The following SCAI variants were observed in gnomAD, a reference collection of about 807,000 sequenced individuals.
The protein encoded by SCAI is protein SCAI.
SCAI carries 24 observed loss-of-function variants against 92.2 expected under a neutral mutation model. That is an observed-to-expected ratio of 0.26 (90% confidence interval 0.19 to 0.37). The LOEUF is 0.37. Among genes scored for constraint, SCAI ranks in the 10% least tolerant of loss-of-function variants. SCAI has a pLI of 1.00. For missense variants in SCAI, 450 were observed against 736.2 expected (o/e 0.61, Z 4.50); for synonymous variants, 261 against 258.6 (o/e 1.01, Z -0.09).
At chr9:125,011,182 A>G (rs1832631178) in intron 9 of SCAI, among the ~76,000 whole-genome samples, 1 of 152,274 alleles carries the variant, frequency 6.6e-6, no homozygotes, top group Non-Finnish European at 1.5e-5. Context: ...AGCTGGACGG[A>G]GAATGACTTT....
intron 2 of SCAI, among the ~76,000 whole-genome samples, chr9:125,099,506 T>A (rs903590119): frequency 4.6e-5 from 7 of 152,176 alleles, no homozygotes; most frequent in African/African-American, 1.7e-4. Context: ...AGTCTCGACC[T>A]CCTGGCCTCA....
chr9:125,110,706 C>T (rs1238889686), intron 2 of SCAI, among the ~76,000 whole-genome samples: 3 of 152,204 alleles, frequency 2.0e-5, no homozygotes, highest in African/African-American at 7.2e-5. Flanking sequence ...GCAGAAGCTG[C>T]TGTGCTTCCT....
chr9:124,945,788 T>C lies in SCAI; in HGVS notation c.*7019A>G, dbSNP rs142770147. 54 of 152,304 alleles carry C rather than the reference T, an allele frequency of 3.5e-4. No homozygotes were observed. Among genetic ancestry groups the C allele is most frequent in the African/African-American group, 1.3e-3 (53 of 41,562 alleles). 9.4% of individuals were successfully genotyped at this position (152,304 alleles called of 1,614,324 possible). ...AAACACAAGGCATGCTTAAGTCTTT[T>C]TGTTCAAAACTCAGTGAAGCTGGAA... On this transcript the variant is annotated 3_prime_UTR_variant, in exon 18 of 18. Transcript: ENST00000336505.
At chr9:125,012,181 A>C (rs1017365410) in intron 9 of SCAI, among the ~76,000 whole-genome samples, 3 of 152,144 alleles carry the variant, frequency 2.0e-5, no homozygotes, top group Admixed American at 2.0e-4. Context: ...ACACATAACA[A>C]TATTAACTTT....
chr9:125,005,202 GA>G (rs1312336052), intron 9 of SCAI, among the ~76,000 whole-genome samples: 6 of 152,024 alleles, frequency 3.9e-5, no homozygotes, highest in Admixed American at 3.3e-4. Flanking sequence ...GAACACACAT[GA>G]TAATAAAACA....
chr9:125,111,624 C>T (rs1834930835), intron 2 of SCAI, among the ~76,000 whole-genome samples: 1 of 151,712 alleles, frequency 6.6e-6, no homozygotes, highest in South Asian at 2.1e-4. Context: ...TGGCCCAAGA[C>T]AACTGTTCTT....
chr9:124,982,871 T>C (rs1178234467), intron 14 of SCAI, among the ~76,000 whole-genome samples: 4 of 152,014 alleles, frequency 2.6e-5, no homozygotes, highest in Non-Finnish European at 4.4e-5. Context: ...TTAAAATATA[T>C]TCACTAGCTG....
At chr9:124,975,866 C>T (rs1373568670) in intron 15 of SCAI, among the ~76,000 whole-genome samples, 1 of 152,078 alleles carries the variant, frequency 6.6e-6, no homozygotes, top group Non-Finnish European at 1.5e-5. Context: ...CATGAGTTCC[C>T]CATCAGCAAG....
chr9:125,089,640 T>G (rs1054095752), intron 2 of SCAI, among the ~76,000 whole-genome samples: 14 of 152,092 alleles, frequency 9.2e-5, no homozygotes, highest in Admixed American at 6.5e-4. Context: ...GTGTGCACAT[T>G]AAGTTTGAGG....
intron 2 of SCAI, among the ~76,000 whole-genome samples, chr9:125,107,990 C>G (rs1455758956): frequency 1.3e-5 from 2 of 152,206 alleles, no homozygotes; most frequent in African/African-American, 4.8e-5. Flanking sequence ...CGCCGCCATG[C>G]CTGACTGGTT....
chr9:125,107,484 A>G (rs1834825703), intron 2 of SCAI, among the ~76,000 whole-genome samples: 1 of 152,162 alleles, frequency 6.6e-6, no homozygotes, highest in Admixed American at 6.5e-5. Context: ...TAAGAACCAG[A>G]GCCAGGCAAG....
At chr9:125,023,150 G>A (rs948826043) in intron 6 of SCAI, among the ~76,000 whole-genome samples, 4 of 151,964 alleles carry the variant, frequency 2.6e-5, no homozygotes, top group African/African-American at 4.8e-5. Context: ...CCATCAAATC[G>A]ATGTTTTAGA....
chr9:125,079,741 T>C (rs896911042), intron 2 of SCAI, among the ~76,000 whole-genome samples: 10 of 151,178 alleles, frequency 6.6e-5, no homozygotes, highest in African/African-American at 2.4e-4. Flanking sequence ...TTCATATGTA[T>C]TGGCAAACAC....
At chr9:125,008,627 A>G (rs1333093753) in intron 9 of SCAI, among the ~76,000 whole-genome samples, 1 of 152,236 alleles carries the variant, frequency 6.6e-6, no homozygotes, top group Non-Finnish European at 1.5e-5. Context: ...GAAATGGAAA[A>G]GAAGTCAACA....
chr9:125,060,289 A>G (rs2131143752), intron 2 of SCAI, among the ~76,000 whole-genome samples: 1 of 151,630 alleles, frequency 6.6e-6, no homozygotes, highest in Middle Eastern at 3.4e-3. Flanking sequence ...GCCATGGCAG[A>G]TAGTGAAAGG....
Position 124,952,713 on chromosome 9 carries a change from A to T in SCAI, c.*94T>A. 11 of 955,834 alleles carry T rather than the reference A, an allele frequency of 1.2e-5. No homozygotes were observed. The highest frequency in any genetic ancestry group is 1.5e-5 in the Non-Finnish European group (10 of 661,890). The allele number at this position is 955,834 out of a possible 1,614,324, so 59.2% of individuals were successfully genotyped here. A position where few individuals can be genotyped will look rare whatever the true frequency, so the allele number is the denominator to read the frequency against. On this transcript the variant is annotated 3_prime_UTR_variant, in exon 18 of 18. Coordinates refer to ENST00000336505, the MANE Select transcript of SCAI (RefSeq NM_001144877.3). ...GGCCCTAAATTAAAAAATAAAAACT[A>T]AGTAACACCACTATGTGTCTTATCA...
intron 17 of SCAI, among the ~76,000 whole-genome samples, chr9:124,959,050 T>C (rs952526933): frequency 3.9e-5 from 6 of 151,990 alleles, no homozygotes; most frequent in African/African-American, 1.4e-4. Context: ...AACTAAACTT[T>C]TAATTTTGAT....
At chr9:124,970,896 C>T (rs1181236625) in intron 17 of SCAI, among the ~76,000 whole-genome samples, 1 of 151,906 alleles carries the variant, frequency 6.6e-6, no homozygotes, top group African/African-American at 2.4e-5. Context: ...CTCACCACAA[C>T]CTCCGCCTCC....
At chr9:125,072,162 T>C (rs1424447990) in intron 2 of SCAI, among the ~76,000 whole-genome samples, 4 of 152,080 alleles carry the variant, frequency 2.6e-5, no homozygotes, top group Non-Finnish European at 5.9e-5. Context: ...TCACTGGGAC[T>C]ACAGGCGGGC....
Sources: gnomAD v4.1 joint callset for allele counts (sites outside exome capture counted in the v4.1 genomes callset) on GRCh38, gnomAD v4.1.1 for gene constraint, MANE v1.5 for transcripts, NCBI Gene and HGNC (gene_info 2026-07-23, HGNC 2026-07-21) for gene names.